The following GFRA1 variants were observed in gnomAD, a reference collection of about 807,000 sequenced individuals.
GFRA1 encodes the protein GDNF family receptor alpha 1.
GFRA1 carries 16 observed loss-of-function variants against 51.6 expected under a neutral mutation model. The observed-to-expected ratio is 0.31, with a 90% confidence interval of 0.21 to 0.47. GFRA1 has a LOEUF of 0.47. Among genes scored for constraint, GFRA1 ranks in the 20% least tolerant of loss-of-function variants. GFRA1 has a pLI of 1.00. For synonymous variants in GFRA1, 270 were observed against 241.3 expected (o/e 1.12, Z -1.10); for missense variants, 530 against 594.3 (o/e 0.89, Z 1.13).
At chr10:116,124,902 T>C (rs566597812) in intron 6 of GFRA1, among the ~76,000 whole-genome samples, 3 of 152,246 alleles carry the variant, frequency 2.0e-5, no homozygotes, top group Admixed American at 6.5e-5. Flanking sequence ...GTGTGTGCCT[T>C]AAGGTCACCT....
intron 4 of GFRA1, among the ~76,000 whole-genome samples, chr10:116,221,100 G>A (rs1965891922): frequency 6.6e-6 from 1 of 152,102 alleles, no homozygotes; most frequent in Non-Finnish European, 1.5e-5. Context: ...AGAGTTTTCT[G>A]TACATCAGGC....
At chr10:116,260,141 G>A (rs745541603) in intron 4 of GFRA1, among the ~76,000 whole-genome samples, 2 of 152,184 alleles carry the variant, frequency 1.3e-5, no homozygotes, top group African/African-American at 2.4e-5. Context: ...ATGCTAATGC[G>A]TGGATGGGGC....
intron 9 of GFRA1, among the ~76,000 whole-genome samples, chr10:116,072,978 T>C (rs773809046): frequency 1.3e-5 from 2 of 152,152 alleles, no homozygotes; most frequent in Non-Finnish European, 2.9e-5. Flanking sequence ...TGGTCATTCT[T>C]TGATCGAGGC....
chr10:116,200,618 G>A (rs949598421), intron 5 of GFRA1, among the ~76,000 whole-genome samples: 8 of 152,182 alleles, frequency 5.3e-5, no homozygotes, highest in Non-Finnish European at 1.0e-4. Flanking sequence ...TGGTGCCAAC[G>A]GGGTGGGGAT....
intron 6 of GFRA1, among the ~76,000 whole-genome samples, chr10:116,104,163 G>A (rs1217072374): frequency 6.6e-6 from 1 of 152,240 alleles, no homozygotes; most frequent in African/African-American, 2.4e-5. Flanking sequence ...CTCGCCAACT[G>A]ATGTGCGTAT....
chr10:116,156,765 G>T (rs1959210878), intron 5 of GFRA1, among the ~76,000 whole-genome samples: 1 of 152,176 alleles, frequency 6.6e-6, no homozygotes, highest in Admixed American at 6.5e-5. Context: ...TGCTATTGTG[G>T]AAGGAAAACC....
intron 4 of GFRA1, among the ~76,000 whole-genome samples, chr10:116,266,548 G>A (rs767137044): frequency 6.6e-6 from 1 of 152,184 alleles, no homozygotes; most frequent in African/African-American, 2.4e-5. Context: ...CATTAGTGCT[G>A]GAACCTAAAG....
In GFRA1 at chr10:116,188,170, A is replaced by G. The variant is rs544575289; in HGVS notation, c.433+23461T>C. 4.6e-5 allele frequency among the ~76,000 whole-genome samples: 7 copies of G among 152,180 alleles called. No individual in the cohort carries two copies. In the South Asian group the frequency reaches 1.5e-3, roughly 32 times the overall value. On this transcript the variant is annotated intron_variant, in intron 5 of 10. Transcript: ENST00000355422. ...CTTGTTCAGGTGGAATGGTTGGGGG[A>G]GGGACCTCTCTGCAGCAGCAGTATT...
intron 6 of GFRA1, 21 bp downstream of exon 6, chr10:116,125,200 C>A (rs1957803189): frequency 6.3e-7 from 1 of 1,596,026 alleles, no homozygotes; most frequent in Admixed American, 1.7e-5. Flanking sequence ...CATTAATCAC[C>A]AGCTGCCAGT....
rs1190604259 is a variant in GFRA1, at chr10:116,096,479, CTTCTTTTTTTT to C, written c.880+165_880+175del. Among the ~76,000 whole-genome samples the C allele has an allele frequency of 6.3e-4, 63 of 100,678 alleles. 1 individual carries two copies. The highest frequency in any genetic ancestry group is 1.8e-3 in the African/African-American group (59 of 33,598). 66.0% of individuals were successfully genotyped at this position (100,678 alleles called of 152,430 possible). On this transcript the variant is annotated intron_variant, in intron 7 of 10. Coordinates refer to ENST00000355422, the MANE Select transcript of GFRA1 (RefSeq NM_005264.8). ...CACGCATCCATTATCCCATTTTTTT[CTTCTTTTTTTT>C]TTCTTTTTTTTTACAGGCATGTCCT...
At chr10:116,077,868 G>C (rs750267928) in intron 9 of GFRA1, among the ~76,000 whole-genome samples, 1 of 152,200 alleles carries the variant, frequency 6.6e-6, no homozygotes, top group Non-Finnish European at 1.5e-5. Context: ...AGAACTAAGA[G>C]TCAGCTTCCT....
At chr10:116,208,021 C>A (rs769291982) in intron 5 of GFRA1, among the ~76,000 whole-genome samples, 10 of 152,084 alleles carry the variant, frequency 6.6e-5, no homozygotes, top group Non-Finnish European at 1.3e-4. Flanking sequence ...CGCCATTCTC[C>A]TGTTTAAAAT....
intron 4 of GFRA1, among the ~76,000 whole-genome samples, chr10:116,232,763 G>A (rs1966761522): frequency 6.6e-6 from 1 of 152,128 alleles, no homozygotes; most frequent in African/African-American, 2.4e-5. Context: ...CAATTCCAGG[G>A]CTCCAAAACC....
At chr10:116,146,542 G>A (rs1958808187) in intron 5 of GFRA1, among the ~76,000 whole-genome samples, 1 of 152,232 alleles carries the variant, frequency 6.6e-6, no homozygotes, top group South Asian at 2.1e-4. Context: ...CTCTAATCCT[G>A]TTCCTCCATG....
At position 116,147,753 on chromosome 10, in the gene GFRA1, CT is replaced by C. The variant is rs1173343938; in HGVS notation, c.434-22197del. Among the ~76,000 whole-genome samples, 3 of 152,166 alleles carry C rather than the reference CT, an allele frequency of 2.0e-5. No individual in the cohort carries two copies. In the East Asian group the frequency reaches 5.8e-4, roughly 30 times the overall value. On this transcript the variant is annotated intron_variant, in intron 5 of 10. Transcript: ENST00000355422. ...GGAGGTGAAAGCTCCTTTCCTAGAA[CT>C]GGAGACAACAGAAGAGGCAGCGACT...
At chr10:116,146,010 C>T in intron 5 of GFRA1, among the ~76,000 whole-genome samples, 1 of 151,234 alleles carries the variant, frequency 6.6e-6, no homozygotes, top group South Asian at 2.1e-4. Context: ...ACAAAGTGTA[C>T]ACACACACAC....
At chr10:116,133,517 A>G (rs1387083550) in intron 5 of GFRA1, among the ~76,000 whole-genome samples, 1 of 152,250 alleles carries the variant, frequency 6.6e-6, no homozygotes, top group African/African-American at 2.4e-5. Context: ...GCGTTTTCAT[A>G]CAAGTCAGCT....
chr10:116,129,695 G>T (rs1325388146), intron 5 of GFRA1, among the ~76,000 whole-genome samples: 1 of 152,034 alleles, frequency 6.6e-6, no homozygotes, highest in African/African-American at 2.4e-5. Flanking sequence ...TAATAAGTGA[G>T]TTTAGCAAAG....
chr10:116,109,876 GTC>G (rs1957140502), intron 6 of GFRA1, among the ~76,000 whole-genome samples: 1 of 152,240 alleles, frequency 6.6e-6, no homozygotes. Context: ...GGGGTGTCTG[GTC>G]TCTCTGCATC....
Sources: allele counts gnomAD v4.1 joint callset (sites outside exome capture counted in the v4.1 genomes callset), GRCh38; gene constraint gnomAD v4.1.1; transcripts MANE v1.5; gene names NCBI Gene and HGNC (gene_info 2026-07-23, HGNC 2026-07-21).